DLG2: variants seen among roughly 807,000 people sequenced by gnomAD.
DLG2 encodes disks large homolog 2.
Under a neutral mutation model 132.5 loss-of-function variants are expected in DLG2, and 45 were observed. The ratio of observed to expected loss-of-function variants is 0.34; its 90% CI spans 0.27 to 0.44. The LOEUF (loss-of-function observed/expected upper bound fraction) is 0.44, where lower values mean the gene tolerates loss of function less well. Ranked by LOEUF, DLG2 falls within the 20% of genes least tolerant of loss-of-function variation. The pLI, the probability that DLG2 is intolerant of heterozygous loss-of-function variation, is 1.00. For missense variants in DLG2, 1,045 were observed against 1,196.9 expected, an observed-to-expected ratio of 0.87 and a Z score of 1.87; for synonymous variants, 424 against 419.6, an observed-to-expected ratio of 1.01 and a Z score of -0.13.
Position 83,551,078 on chromosome 11 carries a change from G to T in DLG2, c.1941-9220C>A, listed in dbSNP as rs138703042. On this transcript the variant is annotated intron_variant, in intron 19 of 27. Coordinates refer to ENST00000376104, the MANE Select transcript of DLG2 (RefSeq NM_001142699.3). ...AAATATTAGCTCACTATTTTAAGCT[G>T]CAGTATGATTTTCAGCAAATTACTT... Among the ~76,000 whole-genome samples, 267 of 152,262 alleles carry T rather than the reference G, an allele frequency of 1.8e-3. 3 individuals are homozygous for T. The highest frequency in any genetic ancestry group is 6.1e-3 in the African/African-American group (252 of 41,540).
intron 6 of DLG2, among the ~76,000 whole-genome samples, chr11:84,753,683 T>C (rs2066478232): frequency 6.6e-6 from 1 of 152,190 alleles, no homozygotes; most frequent in Non-Finnish European, 1.5e-5. Flanking sequence ...ATTTGGGAGT[T>C]ATAAGAACGT....
intron 6 of DLG2, among the ~76,000 whole-genome samples, chr11:84,789,449 A>G (rs1236432198): frequency 6.6e-6 from 1 of 152,086 alleles, no homozygotes; most frequent in Non-Finnish European, 1.5e-5. Context: ...GTAGGCACAT[A>G]TATTTATGGG....
intron 6 of DLG2, among the ~76,000 whole-genome samples, chr11:84,926,994 C>T (rs1212980636): frequency 6.6e-6 from 1 of 151,834 alleles, no homozygotes; most frequent in Admixed American, 6.6e-5. Flanking sequence ...TACCTTGATT[C>T]CCAAAAGGAA....
At chr11:84,642,301 T>C (rs1354908289) in intron 6 of DLG2, among the ~76,000 whole-genome samples, 1 of 151,812 alleles carries the variant, frequency 6.6e-6, no homozygotes, top group Non-Finnish European at 1.5e-5. Flanking sequence ...AAATAATACT[T>C]ATAGTAAACT....
At chr11:84,606,210 GATTTTA>G (rs1459026198) in intron 6 of DLG2, among the ~76,000 whole-genome samples, 44 of 152,120 alleles carry the variant, frequency 2.9e-4, no homozygotes, top group African/African-American at 9.6e-4. Context: ...TTTTCAACAG[GATTTTA>G]ATTTTAACAG....
intron 9 of DLG2, among the ~76,000 whole-genome samples, chr11:84,149,071 T>A (rs1433222572): frequency 1.3e-5 from 2 of 152,170 alleles, no homozygotes; most frequent in Non-Finnish European, 2.9e-5. Context: ...GAGTTATTTG[T>A]CTTTTGGCCT....
At chr11:84,092,306 T>C (rs2097105082) in intron 10 of DLG2, among the ~76,000 whole-genome samples, 1 of 152,240 alleles carries the variant, frequency 6.6e-6, no homozygotes, top group South Asian at 2.1e-4. Context: ...AATAGCTGGC[T>C]CTATAGATAA....
At chr11:85,144,489 T>C (rs1416651275) in intron 5 of DLG2, among the ~76,000 whole-genome samples, 1 of 151,816 alleles carries the variant, frequency 6.6e-6, no homozygotes, top group African/African-American at 2.4e-5. Context: ...CTTTGTGGTC[T>C]TCTCTTCCCT....
intron 6 of DLG2, among the ~76,000 whole-genome samples, chr11:84,580,333 GA>G (rs1565359003): frequency 1.3e-5 from 2 of 152,190 alleles, no homozygotes; most frequent in African/African-American, 4.8e-5. Flanking sequence ...GGATTTTTAA[GA>G]TAAAACCAGT....
chr11:84,752,648 A>C (rs1281657593), intron 6 of DLG2, among the ~76,000 whole-genome samples: 4 of 144,822 alleles, frequency 2.8e-5, no homozygotes, highest in Non-Finnish European at 6.0e-5. Context: ...TACATGTGCC[A>C]TGCTGGTGCG....
At chr11:84,282,250 C>G (rs1567171275) in intron 7 of DLG2, among the ~76,000 whole-genome samples, 1 of 151,982 alleles carries the variant, frequency 6.6e-6, no homozygotes, top group African/African-American at 2.4e-5. Context: ...TGAAAGAGGA[C>G]AAACAAAAAG....
At chr11:84,676,286 G>A (rs115645694) in intron 6 of DLG2, among the ~76,000 whole-genome samples, 181 of 152,086 alleles carry the variant, frequency 1.2e-3, no homozygotes, top group African/African-American at 3.9e-3. Flanking sequence ...TCTGGAAACC[G>A]GAAGGAAAAC....
chr11:85,552,333 T>C lies in DLG2; in HGVS notation c.40+46324A>G, dbSNP rs192751090. Among the ~76,000 whole-genome samples, 165 of 151,716 alleles carry C rather than the reference T, an allele frequency of 1.1e-3. 1 individual carries two copies. The highest frequency in any genetic ancestry group is 3.8e-3 in the African/African-American group (159 of 41,510). The stretch of plus-strand genomic sequence containing the variant: ...AATAAATGCAAAACTCATTTCTAGG[T>C]ATATTTCTACAACACATATGGCTGT... On this transcript the variant is annotated intron_variant, in intron 3 of 27. Coordinates refer to ENST00000376104, the MANE Select transcript of DLG2 (RefSeq NM_001142699.3).
intron 3 of DLG2, among the ~76,000 whole-genome samples, chr11:85,339,769 A>G (rs2082359476): frequency 6.6e-6 from 1 of 152,216 alleles, no homozygotes; most frequent in South Asian, 2.1e-4. Context: ...CAGAATCTAC[A>G]AAGAACTCAA....
At chr11:84,538,567 A>C (rs1340995427) in intron 6 of DLG2, among the ~76,000 whole-genome samples, 1 of 151,874 alleles carries the variant, frequency 6.6e-6, no homozygotes. Context: ...ATATTTCTGC[A>C]CAGTTCCTTT....
At chr11:84,637,693 T>C (rs1245185636) in intron 6 of DLG2, among the ~76,000 whole-genome samples, 2 of 152,238 alleles carry the variant, frequency 1.3e-5, no homozygotes, top group African/African-American at 4.8e-5. Context: ...CACTACTCTC[T>C]AGACATCGCA....
chr11:83,542,001 C>A lies in DLG2; in HGVS notation c.1941-143G>T, dbSNP rs45525235. ...CCGGAATGATTCCCTGGATCACAGTCCACACTCTCACTGCTTTGGCAACAC... is the reference window on the plus strand; with the variant it reads ...CCGGAATGATTCCCTGGATCACAGTACACACTCTCACTGCTTTGGCAACAC... On this transcript the variant is annotated intron_variant, in intron 19 of 27. Transcript: ENST00000376104. The A allele has an allele frequency of 5.9e-3, 4,519 of 762,922 alleles. 15 individuals carry two copies. The highest frequency in any genetic ancestry group is 8.3e-3 in the Admixed American group (242 of 29,156). The allele number at this position is 762,922 out of a possible 1,614,324, so 47.3% of individuals were successfully genotyped here. A position where few individuals can be genotyped will look rare whatever the true frequency, so the allele number is the denominator to read the frequency against.
intron 6 of DLG2, among the ~76,000 whole-genome samples, chr11:85,095,686 C>A (rs1471214602): frequency 1.3e-5 from 2 of 152,120 alleles, no homozygotes; most frequent in East Asian, 3.9e-4. Flanking sequence ...ATTTCATTAT[C>A]CTCCCACTAC....
At chr11:83,940,039 C>G (rs1426939271) in intron 14 of DLG2, among the ~76,000 whole-genome samples, 7 of 152,216 alleles carry the variant, frequency 4.6e-5, no homozygotes, top group Non-Finnish European at 5.9e-5. Context: ...ATTTAGTCTT[C>G]TGTGCCTGTT....
Sources: gnomAD v4.1 joint callset for allele counts (sites outside exome capture counted in the v4.1 genomes callset) on GRCh38, gnomAD v4.1.1 for gene constraint, MANE v1.5 for transcripts, NCBI Gene and HGNC (gene_info 2026-07-23, HGNC 2026-07-21) for gene names.